GATAD2B: variants seen among roughly 807,000 people sequenced by gnomAD.
GATAD2B encodes transcriptional repressor p66-beta.
GATAD2B carries 8 observed loss-of-function variants against 64.3 expected under a neutral mutation model. The observed-to-expected ratio is 0.12, with a 90% CI of 0.07 to 0.22. GATAD2B has a LOEUF of 0.22. Among genes scored for constraint, GATAD2B ranks in the 10% least tolerant of loss-of-function variants. GATAD2B has a pLI of 1.00. For synonymous variants in GATAD2B, 281 were observed against 271.3 expected (o/e 1.04, Z -0.35); for missense variants, 453 against 752.0 (o/e 0.60, Z 4.65).
In GATAD2B at chr1:153,807,050, T is replaced by C. The variant is rs1674132628; in HGVS notation, c.*3127A>G. On this transcript the variant is annotated 3_prime_UTR_variant, in exon 11 of 11. Coordinates refer to ENST00000368655, the MANE Select transcript of GATAD2B (RefSeq NM_020699.4). ...CAGATGCTGTGGTCAAATTATAAAA[T>C]AAAATCGACAAATAAGAACCTCTGT... 6.6e-6 allele frequency: 1 copy of C among 152,078 alleles called. No individual in the cohort carries two copies. Among genetic ancestry groups the C allele is most frequent in the Admixed American group, 6.6e-5 (1 of 15,266 alleles). 9.4% of individuals were successfully genotyped at this position (152,078 alleles called of 1,614,324 possible). A position where few individuals can be genotyped will look rare whatever the true frequency, so the allele number is the denominator to read the frequency against.
intron 2 of GATAD2B, among the ~76,000 whole-genome samples, chr1:153,820,692 C>T (rs1363262325): frequency 1.3e-5 from 2 of 152,012 alleles, no homozygotes; most frequent in Admixed American, 6.6e-5. Flanking sequence ...TCCAGTGGCC[C>T]GATCACAGCT....
intron 1 of GATAD2B, among the ~76,000 whole-genome samples, chr1:153,862,415 T>G (rs1459742532): frequency 6.6e-6 from 1 of 151,780 alleles, no homozygotes; most frequent in Non-Finnish European, 1.5e-5. Context: ...GAGCCATCAC[T>G]CCCAGCCTTT....
At chr1:153,865,338 G>A (rs1217561204) in intron 1 of GATAD2B, among the ~76,000 whole-genome samples, 1 of 151,946 alleles carries the variant, frequency 6.6e-6, no homozygotes, top group South Asian at 2.1e-4. Context: ...GCACGTGCCT[G>A]TAGTCCCACC....
chr1:153,825,501 G>A (rs2101889123), intron 2 of GATAD2B, among the ~76,000 whole-genome samples: 1 of 152,146 alleles, frequency 6.6e-6, no homozygotes, highest in South Asian at 2.1e-4. Context: ...TCAGCTCACT[G>A]CAACCTCTAC....
At chr1:153,839,108 C>CAAAAAAAAAAAAAAAAAAAAAAA (rs35262137) in intron 1 of GATAD2B, among the ~76,000 whole-genome samples, 21 of 78,566 alleles carry the variant, frequency 2.7e-4, no homozygotes, top group East Asian at 1.4e-3. Context: ...GACCCTGTCT[C>CAAAAAAAAAAAAAAAAAAAAAAA]AAAAAAAAAA....
At chr1:153,826,777 A>G (rs1269760381) in intron 2 of GATAD2B, among the ~76,000 whole-genome samples, 2 of 151,854 alleles carry the variant, frequency 1.3e-5, no homozygotes, top group African/African-American at 4.8e-5. Flanking sequence ...CTGTCTCTAC[A>G]AAAGTATTCA....
intron 1 of GATAD2B, among the ~76,000 whole-genome samples, chr1:153,836,239 AG>A (rs1341990892): frequency 6.7e-6 from 1 of 149,446 alleles, no homozygotes; most frequent in Non-Finnish European, 1.5e-5. Flanking sequence ...CCATCCTGGG[AG>A]ACTCATCTCT....
chr1:153,821,915 T>C (rs1454721939), intron 2 of GATAD2B, among the ~76,000 whole-genome samples: 1 of 151,892 alleles, frequency 6.6e-6, no homozygotes, highest in African/African-American at 2.4e-5. Flanking sequence ...TATTCCTTTA[T>C]ACTCCCCCTC....
intron 1 of GATAD2B, among the ~76,000 whole-genome samples, chr1:153,863,015 C>T (rs956098319): frequency 5.3e-5 from 8 of 152,082 alleles, no homozygotes; most frequent in East Asian, 3.8e-4. Context: ...TGAGGCACTG[C>T]GCCTGGCATA....
chr1:153,828,264 C>T lies in GATAD2B; in HGVS notation c.84G>A (p.Leu28=). The part of the protein sequence containing the change: ...LDPADERDDV[L]AKRLKMEGHE... The stretch of plus-strand genomic sequence containing the variant: ...GCCCCTCCATTTTGAGTCGCTTTGC[C>T]AGGACATCATCTCGCTCATCTGCTG... Residue 28 remains leucine, a synonymous_variant, in exon 2 of 11, where the codon CTG becomes CTA. Coordinates refer to ENST00000368655, the MANE Select transcript of GATAD2B (RefSeq NM_020699.4). 6.2e-7 allele frequency: 1 copy of T among 1,614,094 alleles called. No homozygotes were observed. The highest frequency in any genetic ancestry group is 1.1e-5 in the South Asian group (1 of 91,088).
At chr1:153,878,842 A>G (rs1319187703) in intron 1 of GATAD2B, among the ~76,000 whole-genome samples, 5 of 146,616 alleles carry the variant, frequency 3.4e-5, no homozygotes, top group Non-Finnish European at 7.4e-5. Context: ...CAGTGGTGCA[A>G]TCTAGGCTCA....
chr1:153,892,656 C>T (rs1443045078), intron 1 of GATAD2B, among the ~76,000 whole-genome samples: 1 of 150,188 alleles, frequency 6.7e-6, no homozygotes, highest in Non-Finnish European at 1.5e-5. Flanking sequence ...AAAATGGGCC[C>T]AACATTAGAC....
chr1:153,877,832 C>T (rs1380034754), intron 1 of GATAD2B, among the ~76,000 whole-genome samples: 1 of 148,720 alleles, frequency 6.7e-6, no homozygotes, highest in African/African-American at 2.5e-5. Flanking sequence ...GAGCTGAGAT[C>T]ATGCCACTGC....
chr1:153,909,947 C>CAAAA (rs34780134), intron 1 of GATAD2B, among the ~76,000 whole-genome samples: 1 of 101,106 alleles, frequency 9.9e-6, no homozygotes, highest in Non-Finnish European at 2.0e-5. Flanking sequence ...GACTCCATCT[C>CAAAA]AAAAAAAAAA....
At chr1:153,862,677 GA>G (rs1676349313) in intron 1 of GATAD2B, among the ~76,000 whole-genome samples, 1 of 150,840 alleles carries the variant, frequency 6.6e-6, no homozygotes, top group African/African-American at 2.4e-5. Context: ...AGAGTATTTA[GA>G]AAAAGCGTTA....
chr1:153,887,054 T>C (rs761777112), intron 1 of GATAD2B, among the ~76,000 whole-genome samples: 1 of 152,250 alleles, frequency 6.6e-6, no homozygotes, highest in Middle Eastern at 3.4e-3. Flanking sequence ...CAGACCACAA[T>C]GCTTCAAAAT....
At chr1:153,818,727 G>A (rs1674572493) in intron 4 of GATAD2B, 64 bp downstream of exon 4, 13 of 1,498,400 alleles carry the variant, frequency 8.7e-6, no homozygotes, top group Non-Finnish European at 1.2e-5. Context: ...CTACCTGGGG[G>A]AACCTACTCT....
intron 1 of GATAD2B, among the ~76,000 whole-genome samples, chr1:153,893,380 G>T (rs1677481454): frequency 6.6e-6 from 1 of 151,904 alleles, no homozygotes; most frequent in South Asian, 2.1e-4. Context: ...ACTGAGGCAG[G>T]CAGATCACTT....
intron 1 of GATAD2B, among the ~76,000 whole-genome samples, chr1:153,878,176 CT>C (rs1158118446): frequency 6.7e-5 from 9 of 135,080 alleles, no homozygotes; most frequent in East Asian, 2.1e-4. Context: ...TTTTTTTTTT[CT>C]TTTTTTTTTG....
Sources: allele counts gnomAD v4.1 joint callset (sites outside exome capture counted in the v4.1 genomes callset), GRCh38; gene constraint gnomAD v4.1.1; transcripts MANE v1.5; gene names NCBI Gene and HGNC (gene_info 2026-07-23, HGNC 2026-07-21).